TSPAN12: variants seen among roughly 807,000 people sequenced by gnomAD.
The protein encoded by TSPAN12 is tetraspanin 12.
TSPAN12 carries 19 observed loss-of-function variants against 39.2 expected under a neutral mutation model. The ratio of observed to expected loss-of-function variants is 0.49; its 90% CI spans 0.34 to 0.71. The LOEUF is 0.71. Ranked by LOEUF, TSPAN12 falls within the 30% of genes least tolerant of loss-of-function variation. TSPAN12 has a pLI of 0.01. For synonymous variants in TSPAN12, 119 were observed against 124.8 expected, an observed-to-expected ratio of 0.95 and a Z score of 0.31; for missense variants, 314 against 359.9, an observed-to-expected ratio of 0.87 and a Z score of 1.03.
Position 120,810,494 on chromosome 7 carries a change from A to C in TSPAN12, c.437T>G (p.Leu146Arg), listed in dbSNP as rs1280401885. The C allele has an allele frequency of 6.2e-7, 1 of 1,613,844 alleles. No individual in the cohort carries two copies. Among genetic ancestry groups the C allele is most frequent in the South Asian group, 1.1e-5 (1 of 91,072 alleles). ...TNYGLPRYRW[L>R]THAWNFFQRE... ...CTGAAAAAAATTCCAAGCATGAGTA[A>C]GCCACCGATATCTAGGTAATCCATA... Residue 146 changes from leucine (L) to arginine (R), a missense_variant, in exon 6 of 8, where the codon CTT (leucine) becomes CGT (arginine). Coordinates refer to ENST00000222747, the MANE Select transcript of TSPAN12 (RefSeq NM_012338.4).
chr7:120,812,746 T>C (rs1794006421), intron 5 of TSPAN12, among the ~76,000 whole-genome samples: 1 of 152,144 alleles, frequency 6.6e-6, no homozygotes, highest in South Asian at 2.1e-4. Flanking sequence ...CTACTCACCA[T>C]AAATTAATAT....
chr7:120,853,014 A>G (rs1281207504), intron 2 of TSPAN12, among the ~76,000 whole-genome samples: 1 of 152,204 alleles, frequency 6.6e-6, no homozygotes, highest in Non-Finnish European at 1.5e-5. Context: ...TTGCCTTAAC[A>G]CTGAAGAAGT....
At position 120,835,432 on chromosome 7, in the gene TSPAN12, A is replaced by T. The variant is rs183982711; in HGVS notation, c.285+3345T>A. Among the ~76,000 whole-genome samples the T allele has an allele frequency of 3.3e-5, 5 of 152,322 alleles. No individual in the cohort carries two copies. The East Asian group carries it at 9.6e-4, about 29-fold the overall frequency. On this transcript the variant is annotated intron_variant, in intron 4 of 7. Coordinates refer to ENST00000222747, the MANE Select transcript of TSPAN12 (RefSeq NM_012338.4). Reference sequence around the variant, plus strand: ...TTACAGGACACATTTGTAAACACTTAGGAAAAAAATCAGCTATTATAGAGT... The same window carrying T: ...TTACAGGACACATTTGTAAACACTTTGGAAAAAAATCAGCTATTATAGAGT...
intron 4 of TSPAN12, 63 bp from the exon 5 acceptor site, chr7:120,815,866 G>A (rs1231385745): frequency 1.4e-6 from 2 of 1,445,214 alleles, no homozygotes; most frequent in Non-Finnish European, 1.9e-6. Flanking sequence ...CTCAAAGACA[G>A]ACTTGGTATT....
intron 7 of TSPAN12, among the ~76,000 whole-genome samples, chr7:120,791,794 G>A (rs568913874): frequency 2.6e-5 from 4 of 152,198 alleles, no homozygotes; most frequent in African/African-American, 7.2e-5. Flanking sequence ...CTATCACCTA[G>A]GATGGCTGGG....
chr7:120,857,302 G>T, intron 1 of TSPAN12: 1 of 199,600 alleles, frequency 5.0e-6, no homozygotes, highest in Non-Finnish European at 1.0e-5. Flanking sequence ...GACAGTTCCT[G>T]GGCACTCCAA....
intron 4 of TSPAN12, among the ~76,000 whole-genome samples, chr7:120,817,282 G>C (rs1278412315): frequency 6.6e-6 from 1 of 151,990 alleles, no homozygotes; most frequent in Non-Finnish European, 1.5e-5. Context: ...CTAACACTTT[G>C]GGAGGCTGAG....
intron 4 of TSPAN12, among the ~76,000 whole-genome samples, chr7:120,829,361 T>C (rs1213805059): frequency 4.6e-5 from 7 of 152,146 alleles, no homozygotes. Flanking sequence ...TCATTAGACA[T>C]TGCACATAAA....
At chr7:120,843,999 C>T (rs556968991) in intron 2 of TSPAN12, among the ~76,000 whole-genome samples, 8 of 152,242 alleles carry the variant, frequency 5.3e-5, no homozygotes, top group African/African-American at 1.9e-4. Context: ...GTTCCTCAGG[C>T]TGTACAGGAA....
At chr7:120,815,088 A>T (rs1311470009) in intron 5 of TSPAN12, among the ~76,000 whole-genome samples, 1 of 152,228 alleles carries the variant, frequency 6.6e-6, no homozygotes, top group Non-Finnish European at 1.5e-5. Flanking sequence ...AACATATACT[A>T]TATTTAGTCT....
At chr7:120,830,082 A>G (rs1794362760) in intron 4 of TSPAN12, among the ~76,000 whole-genome samples, 1 of 152,188 alleles carries the variant, frequency 6.6e-6, no homozygotes, top group Non-Finnish European at 1.5e-5. Flanking sequence ...TTACAAGTAA[A>G]TTTAACTGAG....
At chr7:120,811,451 G>A (rs970626650) in intron 5 of TSPAN12, among the ~76,000 whole-genome samples, 16 of 152,004 alleles carry the variant, frequency 1.1e-4, no homozygotes, top group Admixed American at 2.6e-4. Context: ...GGCGGATCAC[G>A]AGGTCAGGAG....
At chr7:120,822,575 G>A (rs184705089) in intron 4 of TSPAN12, among the ~76,000 whole-genome samples, 1 of 152,252 alleles carries the variant, frequency 6.6e-6, no homozygotes, top group East Asian at 1.9e-4. Context: ...CCCAAAAGCT[G>A]AATGCTAAAG....
Position 120,806,699 on chromosome 7 carries a change from A to G in TSPAN12, c.469-7T>C. On this transcript the variant is annotated splice_polypyrimidine_tract_variant and splice_region_variant and intron_variant, in intron 6 of 7. Coordinates refer to ENST00000222747, the MANE Select transcript of TSPAN12 (RefSeq NM_012338.4). Reference sequence around the variant, plus strand: ...CTACTCCACAGCACTTAAACTGCAAAAAAAATCACTAGTCAGCCTCAGAAA... The same window carrying G: ...CTACTCCACAGCACTTAAACTGCAAGAAAAATCACTAGTCAGCCTCAGAAA... 6.2e-7 allele frequency: 1 copy of G among 1,613,202 alleles called. No homozygotes were observed. The highest frequency in any genetic ancestry group is 8.5e-7 in the Non-Finnish European group (1 of 1,179,336).
rs138222891 is a variant in TSPAN12 at position 120,839,319 on chromosome 7, T to A, written c.150-407A>T. On this transcript the variant is annotated intron_variant, in intron 3 of 7. Transcript: ENST00000222747. Reference sequence around the variant, plus strand: ...TTGATCCCATGTGCACTACGTTTCTTCTCCCTGACAATTGATCCTCCCCCA... The same window carrying A: ...TTGATCCCATGTGCACTACGTTTCTACTCCCTGACAATTGATCCTCCCCCA... 3.6e-4 allele frequency among the ~76,000 whole-genome samples: 55 copies of A among 152,260 alleles called. No homozygotes were observed. In the East Asian group the frequency reaches 0.01, roughly 28 times the overall value.
chr7:120,815,010 TCAAAC>T (rs1301316612), intron 5 of TSPAN12, among the ~76,000 whole-genome samples: 1 of 152,206 alleles, frequency 6.6e-6, no homozygotes, highest in Non-Finnish European at 1.5e-5. Flanking sequence ...TCAAGAATTT[TCAAAC>T]CAATCATTTG....
At chr7:120,803,416 T>C (rs145980212) in intron 7 of TSPAN12, among the ~76,000 whole-genome samples, 1 of 152,276 alleles carries the variant, frequency 6.6e-6, no homozygotes, top group East Asian at 1.9e-4. Context: ...TCCTACTGAA[T>C]GATCTCTGGA....
intron 4 of TSPAN12, among the ~76,000 whole-genome samples, chr7:120,829,135 G>C (rs1794343420): frequency 1.3e-5 from 2 of 152,172 alleles, no homozygotes; most frequent in South Asian, 2.1e-4. Context: ...TACAACTACA[G>C]TGTTAAAACA....
At chr7:120,791,533 C>A (rs1367290580) in intron 7 of TSPAN12, among the ~76,000 whole-genome samples, 1 of 151,874 alleles carries the variant, frequency 6.6e-6, no homozygotes, top group Non-Finnish European at 1.5e-5. Context: ...TGATTTTTAC[C>A]CTTTCAATAG....
Sources: allele counts gnomAD v4.1 joint callset (sites outside exome capture counted in the v4.1 genomes callset), GRCh38; gene constraint gnomAD v4.1.1; transcripts MANE v1.5; gene names NCBI Gene and HGNC (gene_info 2026-07-23, HGNC 2026-07-21).